B3GLCT: variants seen among roughly 807,000 people sequenced by gnomAD.
B3GLCT encodes the protein beta-1,3-glucosyltransferase.
B3GLCT carries 65 observed loss-of-function variants against 63.4 expected under a neutral mutation model. The ratio of observed to expected loss-of-function variants is 1.03; its 90% CI spans 0.84 to 1.26. The LOEUF (loss-of-function observed/expected upper bound fraction) is 1.26. B3GLCT is among the 50% of genes most tolerant of loss of function. B3GLCT has a pLI of 0.00. For synonymous variants in B3GLCT, 233 were observed against 219.2 expected (o/e 1.06, Z -0.55); for missense variants, 577 against 604.8 (o/e 0.95, Z 0.48).
chr13:31,247,147 C>A, intron 5 of B3GLCT, 48 bp downstream of exon 5: 1 of 1,380,674 alleles, frequency 7.2e-7, no homozygotes, highest in Non-Finnish European at 1.0e-6. Context: ...CCTACCTGAA[C>A]ACTTTTACGC....
chr13:31,319,847 G>A (rs1292605421), intron 13 of B3GLCT, among the ~76,000 whole-genome samples: 3 of 152,152 alleles, frequency 2.0e-5, no homozygotes. Flanking sequence ...TTCTTCCAAT[G>A]TCCCCCTCTC....
chr13:31,301,660 C>G (rs560938962), intron 12 of B3GLCT, among the ~76,000 whole-genome samples: 1 of 152,282 alleles, frequency 6.6e-6, no homozygotes, highest in East Asian at 1.9e-4. Context: ...ACCAGGAGAC[C>G]CTGGCCTCTC....
chr13:31,205,200 T>TG (rs1214684956), intron 1 of B3GLCT, among the ~76,000 whole-genome samples: 1 of 151,404 alleles, frequency 6.6e-6, no homozygotes, highest in Non-Finnish European at 1.5e-5. Flanking sequence ...GAAGGTATTT[T>TG]GGGGGGTCAT....
At chr13:31,260,752 A>T (rs1434598650) in intron 6 of B3GLCT, among the ~76,000 whole-genome samples, 194 bp from the exon 7 acceptor site, 1 of 152,198 alleles carries the variant, frequency 6.6e-6, no homozygotes, top group Non-Finnish European at 1.5e-5. Context: ...ACTTTTTTGT[A>T]TACAAAGCTT....
intron 1 of B3GLCT, among the ~76,000 whole-genome samples, chr13:31,214,235 A>G (rs138187513): frequency 6.6e-6 from 1 of 152,230 alleles, no homozygotes; most frequent in African/African-American, 2.4e-5. Flanking sequence ...AATTGGAGAA[A>G]GTGAACTCTG....
At chr13:31,269,067 C>T (rs1175792777) in intron 7 of B3GLCT, 147 bp from the exon 8 acceptor site, 1 of 625,832 alleles carries the variant, frequency 1.6e-6, no homozygotes, top group Admixed American at 2.7e-5. Flanking sequence ...TTTTCACAGT[C>T]CTTTCCCTCA....
At chr13:31,222,354 G>A (rs970319416) in intron 2 of B3GLCT, among the ~76,000 whole-genome samples, 1 of 152,058 alleles carries the variant, frequency 6.6e-6, no homozygotes, top group Non-Finnish European at 1.5e-5. Flanking sequence ...GGGGTTACAG[G>A]TATGAGCCAC....
At chr13:31,318,773 C>A (rs1208930778) in intron 13 of B3GLCT, among the ~76,000 whole-genome samples, 1 of 152,190 alleles carries the variant, frequency 6.6e-6, no homozygotes, top group Non-Finnish European at 1.5e-5. Flanking sequence ...CAGAACATGG[C>A]ACCCATTGAG....
chr13:31,300,005 C>T (rs1289398603), intron 12 of B3GLCT, among the ~76,000 whole-genome samples: 1 of 152,156 alleles, frequency 6.6e-6, no homozygotes, highest in African/African-American at 2.4e-5. Flanking sequence ...AAAATGCATC[C>T]AATACAGCCC....
At chr13:31,322,972 C>G (rs1224938987) in intron 13 of B3GLCT, among the ~76,000 whole-genome samples, 7 of 152,148 alleles carry the variant, frequency 4.6e-5, no homozygotes, top group African/African-American at 1.7e-4. Context: ...GGTGGGTTTT[C>G]AGACTTGCAG....
chr13:31,282,063 A>G (rs1441338142), intron 10 of B3GLCT, among the ~76,000 whole-genome samples: 1 of 152,220 alleles, frequency 6.6e-6, no homozygotes, highest in Non-Finnish European at 1.5e-5. Context: ...TGAAAGAGGC[A>G]TTCACTATTA....
chr13:31,262,298 A>G (rs779216892), intron 7 of B3GLCT, among the ~76,000 whole-genome samples: 1 of 152,176 alleles, frequency 6.6e-6, no homozygotes, highest in East Asian at 1.9e-4. Flanking sequence ...AACTAGCCAG[A>G]GTGGATTATT....
chr13:31,219,738 T>C (rs554074849), intron 2 of B3GLCT, among the ~76,000 whole-genome samples: 1 of 152,334 alleles, frequency 6.6e-6, no homozygotes, highest in South Asian at 2.1e-4. Flanking sequence ...TTTAAACGTT[T>C]ACCTGATAAG....
intron 1 of B3GLCT, among the ~76,000 whole-genome samples, chr13:31,210,776 T>C (rs1354189218): frequency 6.6e-6 from 1 of 152,046 alleles, no homozygotes; most frequent in Non-Finnish European, 1.5e-5. Flanking sequence ...AGAGGCAGGG[T>C]CTCTGTCACC....
At chr13:31,267,941 A>G (rs1207107798) in intron 7 of B3GLCT, among the ~76,000 whole-genome samples, 1 of 152,028 alleles carries the variant, frequency 6.6e-6, no homozygotes, top group African/African-American at 2.4e-5. Context: ...ACTAGGCTCA[A>G]GCGATCCTCC....
chr13:31,207,998 A>C (rs1283487934), intron 1 of B3GLCT, among the ~76,000 whole-genome samples: 1 of 152,164 alleles, frequency 6.6e-6, no homozygotes, highest in African/African-American at 2.4e-5. Context: ...TTCCCTCTAC[A>C]GGGAGGGAAA....
At chr13:31,210,041 A>C (rs958783374) in intron 1 of B3GLCT, among the ~76,000 whole-genome samples, 1 of 152,200 alleles carries the variant, frequency 6.6e-6, no homozygotes, top group Non-Finnish European at 1.5e-5. Context: ...ATTACTCGCC[A>C]GTTTTCTTGC....
At position 31,260,994 on chromosome 13, in the gene B3GLCT, C is replaced by T. The variant is rs757438335; in HGVS notation, c.508C>T (p.His170Tyr). ...ACATGATGAAGAAGCTACAATAATTCACCATTATGCCTTTTCCGAGAATCC... is the reference window on the plus strand; with the variant it reads ...ACATGATGAAGAAGCTACAATAATTTACCATTATGCCTTTTCCGAGAATCC... ...ALHDEEATII[H>Y]HYAFSENPTV... Residue 170 changes from histidine to tyrosine, a missense_variant, in exon 7 of 15, where the codon CAC becomes TAC. By Grantham distance (83) the His-to-Tyr change is moderately conservative. Coordinates refer to ENST00000343307, the MANE Select transcript of B3GLCT (RefSeq NM_194318.4). 1 of 1,613,940 alleles carries T rather than the reference C, an allele frequency of 6.2e-7. No homozygotes were observed. Among genetic ancestry groups the T allele is most frequent in the Non-Finnish European group, 8.5e-7 (1 of 1,179,908 alleles).
intron 6 of B3GLCT, among the ~76,000 whole-genome samples, chr13:31,250,708 C>G (rs1016230167): frequency 1.3e-5 from 2 of 152,152 alleles, no homozygotes; most frequent in Non-Finnish European, 2.9e-5. Flanking sequence ...GGCAGCAGCC[C>G]CAGTCAGAGA....
Sources: allele counts gnomAD v4.1 joint callset (sites outside exome capture counted in the v4.1 genomes callset), GRCh38; gene constraint gnomAD v4.1.1; transcripts MANE v1.5; gene names NCBI Gene and HGNC (gene_info 2026-07-23, HGNC 2026-07-21).